USP34: variants seen among roughly 807,000 people sequenced by gnomAD.
USP34 encodes the protein ubiquitin carboxyl-terminal hydrolase 34.
USP34 carries 70 observed loss-of-function variants against 460.3 expected under a neutral mutation model. That is an observed-to-expected ratio of 0.15 (90% CI 0.13 to 0.19). The LOEUF (loss-of-function observed/expected upper bound fraction) is 0.19. Ranked by LOEUF, USP34 falls within the 10% of genes least tolerant of loss-of-function variation. The pLI is 1.00. For missense variants in USP34, 3,985 were observed against 4,236.2 expected, an observed-to-expected ratio of 0.94 and a Z score of 1.65; for synonymous variants, 1,647 against 1,405.3, an observed-to-expected ratio of 1.17 and a Z score of -3.85.
chr2:61,412,131 G>GC, intron 2 of USP34, among the ~76,000 whole-genome samples: 1 of 146,586 alleles, frequency 6.8e-6, no homozygotes, highest in Non-Finnish European at 1.5e-5. Flanking sequence ...AGAGGCTGCA[G>GC]TGAGCCGAGA....
chr2:61,448,880 T>C (rs1269379030), intron 1 of USP34, among the ~76,000 whole-genome samples: 1 of 152,174 alleles, frequency 6.6e-6, no homozygotes, highest in Non-Finnish European at 1.5e-5. Flanking sequence ...AGAGGCCGGA[T>C]ACAGTGGCTC....
At chr2:61,238,770 A>G (rs1688145410) in intron 53 of USP34, among the ~76,000 whole-genome samples, 1 of 152,132 alleles carries the variant, frequency 6.6e-6, no homozygotes, top group Admixed American at 6.5e-5. Flanking sequence ...GAATTTTCTA[A>G]TGTACAGGCA....
chr2:61,451,047 A>C (rs1282392251), intron 1 of USP34, among the ~76,000 whole-genome samples: 1 of 151,280 alleles, frequency 6.6e-6, no homozygotes, highest in Non-Finnish European at 1.5e-5. Flanking sequence ...GTGAAACCCC[A>C]TCTCTACTAA....
chr2:61,415,133 T>G (rs1254669230), intron 2 of USP34, among the ~76,000 whole-genome samples: 1 of 152,122 alleles, frequency 6.6e-6, no homozygotes. Flanking sequence ...TGAATTGGCC[T>G]TAGGTTCCCT....
chr2:61,349,398 G>T, intron 12 of USP34, 113 bp from the exon 13 acceptor site: 1 of 1,089,320 alleles, frequency 9.2e-7, no homozygotes, highest in Non-Finnish European at 1.3e-6. Context: ...GGAGAAACCT[G>T]CAATAAGGTT....
At chr2:61,329,545 CT>C (rs1415695457) in intron 20 of USP34, among the ~76,000 whole-genome samples, 2 of 151,996 alleles carry the variant, frequency 1.3e-5, no homozygotes, top group Non-Finnish European at 2.9e-5. Context: ...ATTTGATAAG[CT>C]TGTAGAATAA....
chr2:61,357,331 G>C (rs532434981), intron 10 of USP34, among the ~76,000 whole-genome samples: 197 of 152,202 alleles, frequency 1.3e-3, no homozygotes, highest in African/African-American at 4.6e-3. Context: ...CATTCAAACA[G>C]TCAAAGGATC....
intron 8 of USP34, among the ~76,000 whole-genome samples, chr2:61,373,259 C>A (rs950884854): frequency 6.7e-6 from 1 of 150,336 alleles, no homozygotes; most frequent in Admixed American, 6.6e-5. Flanking sequence ...AATAGAGAAA[C>A]AAGATATGAG....
chr2:61,219,168 C>G (rs906416209), intron 67 of USP34, among the ~76,000 whole-genome samples: 1 of 152,190 alleles, frequency 6.6e-6, no homozygotes, highest in Admixed American at 6.5e-5. Flanking sequence ...TTTTGTTACT[C>G]AAACTGTTCT....
At chr2:61,295,099 C>T in intron 31 of USP34, 67 bp from the exon 32 acceptor site, 1 of 1,598,684 alleles carries the variant, frequency 6.3e-7, no homozygotes, top group Non-Finnish European at 8.5e-7. Context: ...ATGGAAAAGA[C>T]AATACATTAT....
intron 41 of USP34, among the ~76,000 whole-genome samples, chr2:61,266,613 T>C (rs56101620): frequency 0.03 from 4,504 of 152,260 alleles, 231 homozygotes; most frequent in African/African-American, 0.1. Flanking sequence ...TTTTCCAAAA[T>C]TAAGTCTGTC....
intron 34 of USP34, among the ~76,000 whole-genome samples, chr2:61,286,344 C>A (rs1191400258): frequency 6.6e-6 from 1 of 151,976 alleles, no homozygotes; most frequent in African/African-American, 2.4e-5. Context: ...ATAATATACA[C>A]CTTTTCTAAA....
chr2:61,259,938 T>C (rs1688829669), intron 43 of USP34, among the ~76,000 whole-genome samples, 162 bp from the exon 44 acceptor site: 1 of 152,222 alleles, frequency 6.6e-6, no homozygotes, highest in Non-Finnish European at 1.5e-5. Context: ...AATTATAGCA[T>C]TAAAAATTGT....
At chr2:61,361,759 T>C (rs957245408) in intron 10 of USP34, among the ~76,000 whole-genome samples, 1 of 152,148 alleles carries the variant, frequency 6.6e-6, no homozygotes, top group Non-Finnish European at 1.5e-5. Flanking sequence ...GTCTAGGAAA[T>C]AATTTTTTTG....
chr2:61,312,020 G>A (rs1690608486), intron 25 of USP34, 110 bp from the exon 26 acceptor site: 1 of 1,348,648 alleles, frequency 7.4e-7, no homozygotes, highest in Non-Finnish European at 9.9e-7. Flanking sequence ...GAAGTTCTAA[G>A]TTCATTCCAA....
chr2:61,324,585 C>A (rs1269567004), intron 21 of USP34, among the ~76,000 whole-genome samples: 2 of 152,004 alleles, frequency 1.3e-5, no homozygotes, highest in Non-Finnish European at 2.9e-5. Context: ...CCAGCCTGGG[C>A]AACACAGTGA....
At chr2:61,435,942 C>T (rs538656382) in intron 1 of USP34, among the ~76,000 whole-genome samples, 4 of 152,018 alleles carry the variant, frequency 2.6e-5, no homozygotes, top group Admixed American at 1.3e-4. Flanking sequence ...GCAGGAGAAT[C>T]GCTTGAACCT....
At chr2:61,384,508 C>CA (rs1693078012) in intron 5 of USP34, among the ~76,000 whole-genome samples, 1 of 151,372 alleles carries the variant, frequency 6.6e-6, no homozygotes, top group African/African-American at 2.4e-5. Flanking sequence ...CCATCTCTAC[C>CA]AAAAAAATAC....
At chr2:61,247,375 T>A (rs1396049728) in intron 49 of USP34, among the ~76,000 whole-genome samples, 1 of 152,142 alleles carries the variant, frequency 6.6e-6, no homozygotes, top group East Asian at 1.9e-4. Context: ...AGTGTAGATA[T>A]GCTTATGGAG....
Sources: allele counts gnomAD v4.1 joint callset (sites outside exome capture counted in the v4.1 genomes callset), GRCh38; gene constraint gnomAD v4.1.1; transcripts MANE v1.5; gene names NCBI Gene and HGNC (gene_info 2026-07-23, HGNC 2026-07-21).